Variants in BBS9 observed in about 807,000 individuals in gnomAD.
BBS9 encodes protein PTHB1.
In BBS9, 89 loss-of-function variants were observed where a neutral mutation model predicts 117.7. The observed-to-expected ratio is 0.76, with a 90% CI of 0.64 to 0.90. The LOEUF is 0.90. BBS9 is among the 40% of genes least tolerant of loss of function. The probability of loss-of-function intolerance (pLI) is 0.00; values close to 1 mark genes in which losing one functional copy is unlikely to be tolerated. For missense variants in BBS9, 982 were observed against 1,042.2 expected (o/e 0.94, Z 0.80); for synonymous variants, 379 against 370.9 (o/e 1.02, Z -0.25).
chr7:33,561,508 G>C (rs1856083396), intron 21 of BBS9, among the ~76,000 whole-genome samples: 1 of 152,134 alleles, frequency 6.6e-6, no homozygotes, highest in Non-Finnish European at 1.5e-5. Flanking sequence ...TAAATTCCCA[G>C]CTCTTGGAAC....
At chr7:33,230,427 A>G (rs1441654024) in intron 5 of BBS9, among the ~76,000 whole-genome samples, 2 of 152,280 alleles carry the variant, frequency 1.3e-5, no homozygotes, top group African/African-American at 4.8e-5. Flanking sequence ...TTTAAAAAAA[A>G]TTTTCAATAA....
intron 19 of BBS9, among the ~76,000 whole-genome samples, chr7:33,416,079 C>G (rs1235224311): frequency 2.6e-5 from 4 of 152,162 alleles, no homozygotes; most frequent in African/African-American, 9.7e-5. Context: ...AGCAATCTGC[C>G]TACCTCAGCC....
intron 9 of BBS9, among the ~76,000 whole-genome samples, chr7:33,291,508 T>C (rs1298766325): frequency 6.6e-6 from 1 of 151,596 alleles, no homozygotes; most frequent in East Asian, 1.9e-4. Context: ...TTTTGAATAA[T>C]TTTTTCAAGA....
intron 21 of BBS9, among the ~76,000 whole-genome samples, chr7:33,537,329 A>C (rs1339078414): frequency 6.6e-6 from 1 of 152,238 alleles, no homozygotes; most frequent in Non-Finnish European, 1.5e-5. Context: ...CCTGGCGTCC[A>C]GAGTTTGAAA....
At chr7:33,245,884 G>C (rs1337518110) in intron 5 of BBS9, among the ~76,000 whole-genome samples, 2 of 152,150 alleles carry the variant, frequency 1.3e-5, no homozygotes, top group African/African-American at 4.8e-5. Flanking sequence ...GTATTTGGCT[G>C]ATGGGGCTGG....
intron 5 of BBS9, among the ~76,000 whole-genome samples, chr7:33,202,828 A>T (rs1786133332): frequency 6.6e-6 from 1 of 152,214 alleles, no homozygotes; most frequent in Non-Finnish European, 1.5e-5. Flanking sequence ...AGTCCAAACC[A>T]TATCAACATG....
At chr7:33,181,572 C>T (rs778916617) in intron 5 of BBS9, among the ~76,000 whole-genome samples, 1 of 152,132 alleles carries the variant, frequency 6.6e-6, no homozygotes, top group Admixed American at 6.5e-5. Flanking sequence ...TTGCATATAA[C>T]CCTTTACACC....
intron 5 of BBS9, among the ~76,000 whole-genome samples, chr7:33,208,794 A>G (rs1000253219): frequency 7.2e-5 from 7 of 97,202 alleles, no homozygotes; most frequent in African/African-American, 2.8e-4. Flanking sequence ...ATTCAGGAAA[A>G]TTCTGTTTTT....
intron 20 of BBS9, among the ~76,000 whole-genome samples, chr7:33,522,441 A>G (rs1032369608): frequency 6.6e-6 from 1 of 151,196 alleles, no homozygotes; most frequent in Admixed American, 6.6e-5. Context: ...TTGCCATTCT[A>G]ACTGGTGTGA....
chr7:33,334,193 A>C (rs1289795499), intron 9 of BBS9, among the ~76,000 whole-genome samples: 1 of 152,210 alleles, frequency 6.6e-6, no homozygotes, highest in East Asian at 1.9e-4. Context: ...AATTGTTGCC[A>C]TTTGCTATCT....
At chr7:33,431,118 C>G (rs1266632075) in intron 19 of BBS9, among the ~76,000 whole-genome samples, 1 of 151,364 alleles carries the variant, frequency 6.6e-6, no homozygotes, top group Non-Finnish European at 1.5e-5. Context: ...TAACTTGAGC[C>G]TGGGAGGCAG....
intron 20 of BBS9, among the ~76,000 whole-genome samples, chr7:33,511,368 A>G (rs1846940043): frequency 6.6e-6 from 1 of 152,118 alleles, no homozygotes; most frequent in South Asian, 2.1e-4. Context: ...TCTAATATTC[A>G]TTTATGCTCA....
chr7:33,190,073 T>TA (rs1562767058), intron 5 of BBS9, among the ~76,000 whole-genome samples: 1 of 151,418 alleles, frequency 6.6e-6, no homozygotes, highest in Non-Finnish European at 1.5e-5. Context: ...TGCTTTCCTT[T>TA]AAAAAATTTC....
At chr7:33,412,420 C>T (rs1831314563) in intron 19 of BBS9, among the ~76,000 whole-genome samples, 1 of 152,206 alleles carries the variant, frequency 6.6e-6, no homozygotes, top group South Asian at 2.1e-4. Context: ...GGCATTTCTT[C>T]AGTGAGTTTC....
rs1188169231 is a variant in BBS9, at chr7:33,605,563, C to A, written c.*337C>A. The A allele has an allele frequency of 6.1e-6, 2 of 327,270 alleles. No homozygotes were observed. Among genetic ancestry groups the A allele is most frequent in the South Asian group, 4.0e-5 (1 of 24,904 alleles). 20.3% of individuals were successfully genotyped at this position (327,270 alleles called of 1,614,324 possible). ...GATTCAGATCCAAAATAATTTCATA[C>A]CCCATTTTTTCACAGAATTCTTATA... On this transcript the variant is annotated 3_prime_UTR_variant, in exon 23 of 23. Coordinates refer to ENST00000242067, the MANE Select transcript of BBS9 (RefSeq NM_198428.3).
chr7:33,384,286 C>G (rs1344889045), intron 18 of BBS9, among the ~76,000 whole-genome samples: 1 of 152,180 alleles, frequency 6.6e-6, no homozygotes, highest in Non-Finnish European at 1.5e-5. Context: ...AAAATATTCC[C>G]CAGTATCTGG....
chr7:33,514,304 C>T (rs770676057), intron 20 of BBS9, among the ~76,000 whole-genome samples: 4 of 152,114 alleles, frequency 2.6e-5, no homozygotes, highest in Non-Finnish European at 5.9e-5. Context: ...TTTCAGGTTG[C>T]TTTCTTTTTA....
chr7:33,461,096 A>G (rs908305459), intron 19 of BBS9, among the ~76,000 whole-genome samples: 7 of 152,056 alleles, frequency 4.6e-5, no homozygotes, highest in African/African-American at 1.4e-4. Context: ...ATAATAGTCC[A>G]TTATGTGGCT....
At chr7:33,164,085 T>C (rs1315219869) in intron 4 of BBS9, among the ~76,000 whole-genome samples, 1 of 152,260 alleles carries the variant, frequency 6.6e-6, no homozygotes, top group African/African-American at 2.4e-5. Flanking sequence ...CATTTCGTTA[T>C]GTACCCAGTA....
Sources: gnomAD v4.1 joint callset for allele counts (sites outside exome capture counted in the v4.1 genomes callset) on GRCh38, gnomAD v4.1.1 for gene constraint, MANE v1.5 for transcripts, NCBI Gene and HGNC (gene_info 2026-07-23, HGNC 2026-07-21) for gene names.